RAB38: variants seen among roughly 807,000 people sequenced by gnomAD.
The protein encoded by RAB38 is RAB38, member RAS oncogene family, also known as ras-related protein Rab-38.
RAB38 carries 15 observed loss-of-function variants against 18.4 expected under a neutral mutation model. The observed-to-expected ratio is 0.82, with a 90% CI of 0.55 to 1.26. RAB38 has a LOEUF of 1.26. RAB38 is among the 50% of genes most tolerant of loss of function. RAB38 has a pLI of 0.00. For synonymous variants in RAB38, 101 were observed against 104.4 expected, an observed-to-expected ratio of 0.97 and a Z score of 0.20; for missense variants, 294 against 267.4, an observed-to-expected ratio of 1.10 and a Z score of -0.69.
At chr11:88,069,127 T>C in the RAB38 span, among the ~76,000 whole-genome samples, 1 of 152,126 alleles carries the variant, frequency 6.6e-6, no homozygotes, top group Non-Finnish European at 1.5e-5. Flanking sequence ...ATGAGCTCAG[T>C]GGGCCCACAC....
chr11:88,071,462 A>G, the RAB38 span, among the ~76,000 whole-genome samples: 2 of 152,324 alleles, frequency 1.3e-5, no homozygotes, highest in East Asian at 1.9e-4. Flanking sequence ...GGGGCTTCAA[A>G]TGCTGCACCA....
At chr11:87,877,150 G>A in the RAB38 span, among the ~76,000 whole-genome samples, 9 of 151,564 alleles carry the variant, frequency 5.9e-5, no homozygotes, top group East Asian at 1.6e-3. Flanking sequence ...CATACGTGCT[G>A]AGGACCTCCT....
chr11:87,948,787 G>A, the RAB38 span, among the ~76,000 whole-genome samples: 1 of 151,022 alleles, frequency 6.6e-6, no homozygotes, highest in Non-Finnish European at 1.5e-5. Context: ...GCTGGATTCG[G>A]TTTGCCAGTA....
At chr11:88,082,730 A>G in the RAB38 span, among the ~76,000 whole-genome samples, 1 of 151,870 alleles carries the variant, frequency 6.6e-6, no homozygotes, top group South Asian at 2.1e-4. Context: ...AGGCATCCAG[A>G]TCTAAGATTC....
the RAB38 span, among the ~76,000 whole-genome samples, chr11:87,899,755 A>G: frequency 1.3e-5 from 2 of 151,628 alleles, no homozygotes; most frequent in African/African-American, 4.8e-5. Flanking sequence ...TTTATGGGCT[A>G]AAAAAATAAA....
chr11:87,837,815 G>A, the RAB38 span, among the ~76,000 whole-genome samples: 1 of 152,100 alleles, frequency 6.6e-6, no homozygotes, highest in Non-Finnish European at 1.5e-5. Flanking sequence ...ACCAGGATGG[G>A]TAGCCATTCA....
the RAB38 span, among the ~76,000 whole-genome samples, chr11:87,908,347 T>C: frequency 6.6e-6 from 1 of 151,992 alleles, no homozygotes; most frequent in Non-Finnish European, 1.5e-5. Flanking sequence ...CTTAAGATAA[T>C]GTTATCAGGA....
At chr11:87,964,834 C>T in the RAB38 span, among the ~76,000 whole-genome samples, 9 of 152,168 alleles carry the variant, frequency 5.9e-5, no homozygotes, top group East Asian at 3.9e-4. Flanking sequence ...AACAGACCAC[C>T]GTAATTTATA....
the RAB38 span, among the ~76,000 whole-genome samples, chr11:88,051,223 G>A: frequency 6.6e-6 from 1 of 151,998 alleles, no homozygotes; most frequent in African/African-American, 2.4e-5. Context: ...CATCTTTCCT[G>A]CTGGAGGGCC....
the RAB38 span, among the ~76,000 whole-genome samples, chr11:87,833,501 CAG>C: frequency 6.6e-6 from 1 of 152,192 alleles, no homozygotes; most frequent in Non-Finnish European, 1.5e-5. Flanking sequence ...TTTCACATAA[CAG>C]AGTCTCCCCC....
the RAB38 span, among the ~76,000 whole-genome samples, chr11:87,829,757 CTG>C: frequency 9.2e-5 from 14 of 152,138 alleles, no homozygotes; most frequent in Non-Finnish European, 1.5e-4. Context: ...AGGCAAGAAA[CTG>C]TGCATAGGAG....
intron 1 of RAB38, among the ~76,000 whole-genome samples, chr11:88,154,281 A>G (rs1943098995): frequency 6.6e-6 from 1 of 152,178 alleles, no homozygotes; most frequent in Non-Finnish European, 1.5e-5. Flanking sequence ...ATTCATTTTA[A>G]TCTCTAGCCA....
At chr11:87,874,553 A>G in the RAB38 span, among the ~76,000 whole-genome samples, 1 of 151,404 alleles carries the variant, frequency 6.6e-6, no homozygotes, top group Non-Finnish European at 1.5e-5. Context: ...AATGTAAATG[A>G]TGAGTTAATG....
chr11:87,968,123 A>T, the RAB38 span, among the ~76,000 whole-genome samples: 1 of 152,158 alleles, frequency 6.6e-6, no homozygotes, highest in African/African-American at 2.4e-5. Flanking sequence ...AAATACAGAG[A>T]GATGTTATTT....
chr11:87,882,804 G>T, the RAB38 span, among the ~76,000 whole-genome samples: 4 of 151,784 alleles, frequency 2.6e-5, no homozygotes, highest in Non-Finnish European at 2.9e-5. Flanking sequence ...TTCTTAAGGA[G>T]AATTTCAGTT....
chr11:87,854,129 GT>G, the RAB38 span, among the ~76,000 whole-genome samples: 1 of 152,016 alleles, frequency 6.6e-6, no homozygotes, highest in African/African-American at 2.4e-5. Context: ...ACCTGCAAAG[GT>G]TTTTGTTTTG....
chr11:87,938,283 T>G, the RAB38 span, among the ~76,000 whole-genome samples: 1 of 152,060 alleles, frequency 6.6e-6, no homozygotes, highest in African/African-American at 2.4e-5. Flanking sequence ...AATCTTGACT[T>G]TCTACTAGGT....
At chr11:87,858,043 C>A in the RAB38 span, among the ~76,000 whole-genome samples, 1,520 of 152,038 alleles carry the variant, frequency 1.0e-2, 12 homozygotes, top group Middle Eastern at 0.017. Flanking sequence ...TTTTTGTATA[C>A]GGTGTAAGGA....
chr11:88,045,586 A>G, the RAB38 span, among the ~76,000 whole-genome samples: 1 of 151,942 alleles, frequency 6.6e-6, no homozygotes, highest in African/African-American at 2.4e-5. Flanking sequence ...CCTGGCAGCC[A>G]CTCCCAGAGC....
Sources: gnomAD v4.1 joint callset for allele counts (sites outside exome capture counted in the v4.1 genomes callset) on GRCh38, gnomAD v4.1.1 for gene constraint, MANE v1.5 for transcripts, NCBI Gene and HGNC (gene_info 2026-07-23, HGNC 2026-07-21) for gene names.